PDE11A: variants seen among roughly 807,000 people sequenced by gnomAD.
PDE11A encodes dual 3',5'-cyclic-AMP and -GMP phosphodiesterase 11A.
PDE11A carries 100 observed loss-of-function variants against 100.5 expected under a neutral mutation model. That is an observed-to-expected ratio of 1.00 (90% CI 0.85 to 1.18). The LOEUF (loss-of-function observed/expected upper bound fraction) is 1.18, where lower values mean the gene tolerates loss of function less well. Among genes scored for constraint, PDE11A ranks in the 50% most tolerant of loss-of-function variants. The pLI is 0.00. For synonymous variants in PDE11A, 381 were observed against 420.8 expected, an observed-to-expected ratio of 0.91 and a Z score of 1.16; for missense variants, 1,141 against 1,152.6, an observed-to-expected ratio of 0.99 and a Z score of 0.15.
intron 13 of PDE11A, among the ~76,000 whole-genome samples, chr2:177,708,935 G>A (rs924002673): frequency 6.6e-6 from 1 of 152,208 alleles, no homozygotes; most frequent in Non-Finnish European, 1.5e-5. Flanking sequence ...GTACATTAGG[G>A]TGGATAGAAA....
rs775886029 is a variant in PDE11A at position 177,946,705 on chromosome 2, CCGGCCAGCCGCCCCG to C, written c.1072-41533_1072-41519del. 8.1e-3 allele frequency among the ~76,000 whole-genome samples: 1,014 copies of C among 125,054 alleles called. 29 individuals are homozygous for C. The highest frequency in any genetic ancestry group is 0.02 in the Admixed American group (263 of 13,284). 82.0% of individuals were successfully genotyped at this position (125,054 alleles called of 152,430 possible). A position where few individuals can be genotyped will look rare whatever the true frequency, so the allele number is the denominator to read the frequency against. Reference sequence around the variant, plus strand: ...GAGGTGGGGGGGGTCAGCCCCCCGCCCGGCCAGCCGCCCCGTCCGGGAGGGAGGTGGGGGGGGTCA... The same window carrying C: ...GAGGTGGGGGGGGTCAGCCCCCCGCCTCCGGGAGGGAGGTGGGGGGGGTCA... On this transcript the variant is annotated intron_variant, in intron 2 of 19. Coordinates refer to ENST00000286063, the MANE Select transcript of PDE11A (RefSeq NM_016953.4).
At chr2:178,085,995 G>C (rs2087349774) in intron 2 of PDE11A, among the ~76,000 whole-genome samples, 1 of 152,136 alleles carries the variant, frequency 6.6e-6, no homozygotes, top group South Asian at 2.1e-4. Context: ...ACAATCTTTG[G>C]GCTGAAGTCA....
At chr2:177,798,119 T>C (rs553594747) in intron 9 of PDE11A, among the ~76,000 whole-genome samples, 1 of 152,330 alleles carries the variant, frequency 6.6e-6, no homozygotes, top group East Asian at 1.9e-4. Context: ...CTTTTACCTA[T>C]GACTTTCCTT....
intron 2 of PDE11A, among the ~76,000 whole-genome samples, chr2:177,908,618 G>A (rs2084827598): frequency 6.6e-6 from 1 of 152,196 alleles, no homozygotes. Flanking sequence ...ACAGATAGGG[G>A]CTGTGGCAAA....
intron 2 of PDE11A, among the ~76,000 whole-genome samples, chr2:178,090,734 C>G (rs2087412563): frequency 6.6e-6 from 1 of 152,190 alleles, no homozygotes; most frequent in East Asian, 1.9e-4. Flanking sequence ...ATTTGCAAAC[C>G]TAACTGAGCT....
chr2:177,657,003 T>TTA (rs2080398535), intron 19 of PDE11A, among the ~76,000 whole-genome samples: 1 of 152,154 alleles, frequency 6.6e-6, no homozygotes, highest in African/African-American at 2.4e-5. Flanking sequence ...GGAAGGTACC[T>TTA]TATAGATGGT....
intron 1 of PDE11A, among the ~76,000 whole-genome samples, chr2:178,033,134 G>A (rs1574355455): frequency 6.6e-6 from 1 of 152,208 alleles, no homozygotes; most frequent in Admixed American, 6.5e-5. Context: ...CCTAATGCAA[G>A]GAAGCTAAGA....
chr2:178,085,127 G>A (rs2087333154), intron 2 of PDE11A, among the ~76,000 whole-genome samples: 1 of 152,152 alleles, frequency 6.6e-6, no homozygotes, highest in African/African-American at 2.4e-5. Context: ...ATGTTTTGTT[G>A]TTGCAGGTCC....
chr2:178,076,070 T>A (rs2087204480), upstream of PDE11A, among the ~76,000 whole-genome samples: 1 of 152,068 alleles, frequency 6.6e-6, no homozygotes, highest in African/African-American at 2.4e-5. Context: ...AAAGGTGTGA[T>A]ATTGTGAAGA....
chr2:177,727,565 G>A (rs2081617006), intron 12 of PDE11A, 93 bp downstream of exon 12: 1 of 824,514 alleles, frequency 1.2e-6, no homozygotes, highest in East Asian at 2.4e-5. Flanking sequence ...ATGATCACAT[G>A]GTAATTTTTC....
At position 177,985,108 on chromosome 2, in the gene PDE11A, T is replaced by C. The variant is rs529183950; in HGVS notation, c.1071+29194A>G. Among the ~76,000 whole-genome samples the C allele has an allele frequency of 7.0e-4, 106 of 152,352 alleles. 1 individual carries two copies. The highest frequency in any genetic ancestry group is 2.4e-3 in the African/African-American group (100 of 41,594). ...AATGAACAAATAAATCAATTGGCATTTGATATAATTGAAATCAGGTGCATA... is the reference window on the plus strand; with the variant it reads ...AATGAACAAATAAATCAATTGGCATCTGATATAATTGAAATCAGGTGCATA... On this transcript the variant is annotated intron_variant, in intron 2 of 19. Coordinates refer to ENST00000286063, the MANE Select transcript of PDE11A (RefSeq NM_016953.4).
At chr2:177,798,324 C>A (rs1347868424) in intron 9 of PDE11A, among the ~76,000 whole-genome samples, 1 of 152,206 alleles carries the variant, frequency 6.6e-6, no homozygotes, top group Non-Finnish European at 1.5e-5. Context: ...TTTCATTTAT[C>A]TCTGTCCTCT....
intron 5 of PDE11A, among the ~76,000 whole-genome samples, chr2:177,856,440 A>T (rs1417786457): frequency 5.3e-5 from 8 of 152,076 alleles, no homozygotes. Context: ...GTCAATTGAA[A>T]CTGTCCCTGA....
At chr2:177,924,901 C>G (rs1221537081) in intron 2 of PDE11A, among the ~76,000 whole-genome samples, 1 of 145,512 alleles carries the variant, frequency 6.9e-6, no homozygotes, top group South Asian at 2.3e-4. Context: ...CACCACAGTC[C>G]CCAGAGTGTG....
At chr2:177,847,806 A>G (rs916942099) in intron 5 of PDE11A, among the ~76,000 whole-genome samples, 1 of 152,142 alleles carries the variant, frequency 6.6e-6, no homozygotes, top group Non-Finnish European at 1.5e-5. Flanking sequence ...CGTTGTCACT[A>G]GTTTCCTATT....
intron 6 of PDE11A, among the ~76,000 whole-genome samples, chr2:177,834,795 C>A (rs188700934): frequency 3.3e-5 from 5 of 152,312 alleles, no homozygotes; most frequent in Non-Finnish European, 7.4e-5. Flanking sequence ...TTTCTCCACC[C>A]TGTAGGCAGT....
At chr2:177,777,354 T>C (rs1272422263) in intron 9 of PDE11A, among the ~76,000 whole-genome samples, 1 of 152,116 alleles carries the variant, frequency 6.6e-6, no homozygotes, top group African/African-American at 2.4e-5. Context: ...GAAGGAAATA[T>C]AAAAAAAGTA....
intron 12 of PDE11A, among the ~76,000 whole-genome samples, chr2:177,713,955 G>A (rs1280315737): frequency 1.5e-5 from 2 of 131,244 alleles, no homozygotes; most frequent in Admixed American, 7.5e-5. Flanking sequence ...ACCTAAATTC[G>A]TAGTTTTCCC....
rs1024857108 is a variant in PDE11A, at chr2:178,072,700, G to A, written c.-263C>T. On this transcript the variant is annotated 5_prime_UTR_variant, in exon 1 of 20. Coordinates refer to ENST00000286063, the MANE Select transcript of PDE11A (RefSeq NM_016953.4). ...GCACTGAGCTGCCGCCGCTGCCCCG[G>A]CTCCTGTTCCGGAAACCCGAGCTAT... 2.6e-5 allele frequency: 37 copies of A among 1,397,458 alleles called. 1 individual carries two copies. The South Asian group carries it at 5.2e-4, about 20-fold the overall frequency. 86.6% of individuals were successfully genotyped at this position (1,397,458 alleles called of 1,614,324 possible).
Sources: gnomAD v4.1 joint callset for allele counts (sites outside exome capture counted in the v4.1 genomes callset) on GRCh38, gnomAD v4.1.1 for gene constraint, MANE v1.5 for transcripts, NCBI Gene and HGNC (gene_info 2026-07-23, HGNC 2026-07-21) for gene names.